Variants in TIAM2 observed in about 807,000 individuals in gnomAD.
The protein encoded by TIAM2 is rho guanine nucleotide exchange factor TIAM2.
Under a neutral mutation model 152.9 loss-of-function variants are expected in TIAM2, and 80 were observed. That is an observed-to-expected ratio of 0.52 (90% confidence interval 0.44 to 0.63). The LOEUF is 0.63. TIAM2 is among the 30% of genes least tolerant of loss of function. The probability of loss-of-function intolerance (pLI) is 0.00; values close to 1 mark genes in which losing one functional copy is unlikely to be tolerated. For synonymous variants in TIAM2, 804 were observed against 838.0 expected (o/e 0.96, Z 0.70); for missense variants, 1,965 against 2,120.1 (o/e 0.93, Z 1.44).
chr6:155,066,832 T>C (rs1777703692), intron 1 of TIAM2, among the ~76,000 whole-genome samples: 1 of 152,158 alleles, frequency 6.6e-6, no homozygotes, highest in Admixed American at 6.5e-5. Context: ...CTTGGCTCAC[T>C]GCAACCTCTG....
At chr6:155,208,882 G>GC (rs1381939479) in intron 14 of TIAM2, among the ~76,000 whole-genome samples, 1 of 151,988 alleles carries the variant, frequency 6.6e-6, no homozygotes, top group African/African-American at 2.4e-5. Context: ...CCCACTCTGT[G>GC]CAGCCACACT....
intron 1 of TIAM2, chr6:155,022,620 A>T (rs1239256062): frequency 1.3e-5 from 2 of 152,156 alleles, no homozygotes; most frequent in Non-Finnish European, 1.5e-5. Context: ...ATTCTTGAAG[A>T]GCTCATCTCT....
At position 155,029,782 on chromosome 6, in the gene TIAM2, T is replaced by C. The variant is rs1302018641; in HGVS notation, c.-209+34290T>C. Among the ~76,000 whole-genome samples the C allele has an allele frequency of 2.2e-5, 3 of 133,850 alleles. 1 individual carries two copies. In the South Asian group the frequency reaches 6.9e-4, roughly 31 times the overall value. 87.8% of individuals were successfully genotyped at this position (133,850 alleles called of 152,430 possible). On this transcript the variant is annotated intron_variant, in intron 1 of 26. Transcript: ENST00000682666. ...TGTAGAAAAAAACCTAAAGACTTTTTGTGTTTTTTTTGTTTTGTTTTGTTT... is the reference window on the plus strand; with the variant it reads ...TGTAGAAAAAAACCTAAAGACTTTTCGTGTTTTTTTTGTTTTGTTTTGTTT...
chr6:155,094,969 A>T (rs1778389886), intron 2 of TIAM2, among the ~76,000 whole-genome samples: 1 of 151,436 alleles, frequency 6.6e-6, no homozygotes, highest in Admixed American at 6.6e-5. Flanking sequence ...TTCAGATGTG[A>T]CTCATTTCCT....
chr6:155,055,666 CAAGTT>C (rs1316748721), intron 1 of TIAM2, among the ~76,000 whole-genome samples: 1 of 152,062 alleles, frequency 6.6e-6, no homozygotes, highest in Non-Finnish European at 1.5e-5. Context: ...TGTTTGATAA[CAAGTT>C]GAGCATCAGG....
intron 15 of TIAM2, among the ~76,000 whole-genome samples, chr6:155,223,527 CTT>C (rs11385281): frequency 7.6e-6 from 1 of 130,872 alleles, no homozygotes; most frequent in Non-Finnish European, 1.6e-5. Context: ...ATTTTTTTTT[CTT>C]TTTTTTTTTT....
At chr6:155,189,986 G>A (rs1284550091) in intron 14 of TIAM2, among the ~76,000 whole-genome samples, 1 of 152,206 alleles carries the variant, frequency 6.6e-6, no homozygotes, top group Non-Finnish European at 1.5e-5. Context: ...GACAGAGGCT[G>A]CATGTAGAGG....
At chr6:155,217,511 A>G (rs1252245786) in intron 15 of TIAM2, among the ~76,000 whole-genome samples, 4 of 152,252 alleles carry the variant, frequency 2.6e-5, no homozygotes, top group African/African-American at 4.8e-5. Context: ...TCCTTGGAGT[A>G]TAGCACATAT....
chr6:155,052,913 A>G (rs1777350873), intron 1 of TIAM2, among the ~76,000 whole-genome samples: 1 of 152,174 alleles, frequency 6.6e-6, no homozygotes, highest in Non-Finnish European at 1.5e-5. Context: ...CATAAATGCT[A>G]GGACCATGTT....
At chr6:155,199,388 A>G (rs1190444355) in intron 14 of TIAM2, among the ~76,000 whole-genome samples, 4 of 152,176 alleles carry the variant, frequency 2.6e-5, no homozygotes, top group Admixed American at 6.5e-5. Context: ...TGAGAACAGT[A>G]ACTTCTATAT....
intron 4 of TIAM2, among the ~76,000 whole-genome samples, chr6:155,136,837 A>G (rs772537862): frequency 4.6e-5 from 7 of 152,250 alleles, no homozygotes; most frequent in Non-Finnish European, 8.8e-5. Flanking sequence ...ATGGTTAGCA[A>G]TGAAGAAAGA....
intron 7 of TIAM2, among the ~76,000 whole-genome samples, chr6:155,162,325 C>T (rs1278957634): frequency 2.0e-5 from 3 of 152,154 alleles, no homozygotes; most frequent in Non-Finnish European, 4.4e-5. Flanking sequence ...ATCTGATAAA[C>T]TGTTTTACAG....
intron 5 of TIAM2, among the ~76,000 whole-genome samples, chr6:155,139,750 G>A (rs1779646904): frequency 2.0e-5 from 3 of 152,076 alleles, no homozygotes; most frequent in Admixed American, 6.5e-5. Flanking sequence ...GACCAGCCTG[G>A]CCAACATGGT....
intron 1 of TIAM2, among the ~76,000 whole-genome samples, chr6:155,029,101 CTATGTGT>C (rs1300045908): frequency 3.5e-5 from 4 of 114,140 alleles, no homozygotes; most frequent in African/African-American, 7.1e-5. Flanking sequence ...ACTGTATATA[CTATGTGT>C]TATATATACA....
Position 155,182,302 on chromosome 6 carries a change from C to T in TIAM2, c.2784C>T (p.Gly928=), listed in dbSNP as rs998687550. 6.2e-7 allele frequency: 1 copy of T among 1,614,072 alleles called. No individual in the cohort carries two copies. Among genetic ancestry groups the T allele is most frequent in the African/African-American group, 1.3e-5 (1 of 75,044 alleles). The change falls in exon 13 of 27, where the codon GGC becomes GGT. Residue 928 remains glycine, a synonymous_variant. Coordinates refer to ENST00000682666, the MANE Select transcript of TIAM2 (RefSeq NM_012454.4). ...TTATAAGCGACGTTCTTCCCGATGG[C>T]CTGGCGTATGGGGAAGGTCCGTGTG... ...RIFISDVLPD[G]LAYGEGLRKG...
chr6:155,250,103 T>G, intron 21 of TIAM2, 134 bp downstream of exon 21: 1 of 620,990 alleles, frequency 1.6e-6, no homozygotes. Flanking sequence ...TAACAATGTG[T>G]CTAATGAACT....
At chr6:155,087,294 A>G (rs1778192153) in intron 1 of TIAM2, among the ~76,000 whole-genome samples, 1 of 152,256 alleles carries the variant, frequency 6.6e-6, no homozygotes, top group Admixed American at 6.5e-5. Flanking sequence ...TGGAAACATT[A>G]AAATATGGCA....
chr6:155,217,705 G>A (rs1385620698), intron 15 of TIAM2, among the ~76,000 whole-genome samples: 4 of 152,194 alleles, frequency 2.6e-5, no homozygotes, highest in East Asian at 3.8e-4. Flanking sequence ...GTTTGTAGGC[G>A]TTGTGTTGAT....
chr6:155,058,757 C>G (rs984070401), intron 1 of TIAM2, among the ~76,000 whole-genome samples: 2 of 152,302 alleles, frequency 1.3e-5, no homozygotes, highest in African/African-American at 4.8e-5. Context: ...TGATGATGAT[C>G]ATTACCCACT....
Sources: allele counts gnomAD v4.1 joint callset (sites outside exome capture counted in the v4.1 genomes callset), GRCh38; gene constraint gnomAD v4.1.1; transcripts MANE v1.5; gene names NCBI Gene and HGNC (gene_info 2026-07-23, HGNC 2026-07-21).